NEIL2: variants seen among roughly 807,000 people sequenced by gnomAD.
The protein encoded by NEIL2 is endonuclease 8-like 2.
In NEIL2, 23 loss-of-function variants were observed where a neutral mutation model predicts 22.2. That is an observed-to-expected ratio of 1.04 (90% CI 0.75 to 1.47). The LOEUF (loss-of-function observed/expected upper bound fraction) is 1.47, where lower values mean the gene tolerates loss of function less well. Ranked by LOEUF, NEIL2 falls within the 40% of genes most tolerant of loss-of-function variation. The pLI is 0.00. For synonymous variants in NEIL2, 229 were observed against 164.8 expected (o/e 1.39, Z -2.99); for missense variants, 583 against 404.7 (o/e 1.44, Z -3.78).
At chr8:11,772,587 T>C (rs1484660388) in intron 2 of NEIL2, among the ~76,000 whole-genome samples, 2 of 152,198 alleles carry the variant, frequency 1.3e-5, no homozygotes, top group African/African-American at 4.8e-5. Context: ...CTTCCTCCTG[T>C]TCTTCCCTTT....
intron 2 of NEIL2, among the ~76,000 whole-genome samples, chr8:11,777,036 G>A (rs1187520147): frequency 6.6e-6 from 1 of 152,096 alleles, no homozygotes; most frequent in Non-Finnish European, 1.5e-5. Flanking sequence ...CCTCAGCTGG[G>A]CACACCCTGT....
At chr8:11,782,088 G>C (rs563949272) in intron 3 of NEIL2, among the ~76,000 whole-genome samples, 1 of 151,706 alleles carries the variant, frequency 6.6e-6, no homozygotes, top group Non-Finnish European at 1.5e-5. Context: ...AATAAAATTA[G>C]CTTTATATAT....
chr8:11,782,122 T>C (rs1804476947), intron 3 of NEIL2, among the ~76,000 whole-genome samples: 1 of 151,950 alleles, frequency 6.6e-6, no homozygotes, highest in Non-Finnish European at 1.5e-5. Flanking sequence ...AAAGGGTATA[T>C]GGAGTATTGA....
At chr8:11,778,943 GAAA>G (rs57173797) in intron 2 of NEIL2, among the ~76,000 whole-genome samples, 14 of 44,496 alleles carry the variant, frequency 3.1e-4, no homozygotes, top group Non-Finnish European at 4.5e-4. Context: ...GACTCCATCT[GAAA>G]AAAAAAAAAA....
chr8:11,782,954 C>T (rs950911149), intron 3 of NEIL2: 4 of 569,520 alleles, frequency 7.0e-6, no homozygotes, highest in South Asian at 1.9e-5. Context: ...AGAGTGTCCT[C>T]TGACTATGTT....
chr8:11,778,370 C>T (rs1055489188), intron 2 of NEIL2, among the ~76,000 whole-genome samples: 1 of 147,864 alleles, frequency 6.8e-6, no homozygotes, highest in Non-Finnish European at 1.5e-5. Flanking sequence ...CTCAGATTTA[C>T]AGATAAGCTA....
intron 4 of NEIL2, among the ~76,000 whole-genome samples, chr8:11,785,048 T>C (rs887716728): frequency 8.5e-5 from 13 of 152,126 alleles, no homozygotes; most frequent in African/African-American, 3.1e-4. Flanking sequence ...TTTAAAATTT[T>C]TGTAGAGACA....
chr8:11,783,655 C>T lies in NEIL2; in HGVS notation c.688+256C>T, dbSNP rs370562384. Among the ~76,000 whole-genome samples the T allele has an allele frequency of 5.9e-5, 9 of 152,346 alleles. No individual in the cohort carries two copies. The East Asian group carries it at 1.5e-3, about 26-fold the overall frequency. On this transcript the variant is annotated intron_variant, in intron 4 of 4. Coordinates refer to ENST00000284503, the MANE Select transcript of NEIL2 (RefSeq NM_145043.4). ...TCAGTTGTGAGCCCTCTGCCAGCAG[C>T]GTTGGAGCATCACCTCCTAAAGGGT...
At chr8:11,785,251 A>G (rs1804800194) in intron 4 of NEIL2, among the ~76,000 whole-genome samples, 1 of 152,176 alleles carries the variant, frequency 6.6e-6, no homozygotes, top group Non-Finnish European at 1.5e-5. Context: ...GCTGGAGTGC[A>G]GTGGCACAAT....
intron 3 of NEIL2, among the ~76,000 whole-genome samples, chr8:11,782,305 A>G (rs1476108316): frequency 6.6e-6 from 1 of 151,962 alleles, no homozygotes; most frequent in Non-Finnish European, 1.5e-5. Flanking sequence ...TGCACCTGTA[A>G]TCCCAGCTAC....
intron 4 of NEIL2, among the ~76,000 whole-genome samples, chr8:11,785,663 C>T (rs1051664369): frequency 2.2e-4 from 34 of 152,146 alleles, no homozygotes; most frequent in African/African-American, 6.5e-4. Flanking sequence ...GTCAGGGTCA[C>T]GTGGGTAGGA....
chr8:11,770,788 G>C (rs1287536614), intron 1 of NEIL2, among the ~76,000 whole-genome samples: 1 of 152,020 alleles, frequency 6.6e-6, no homozygotes, highest in Non-Finnish European at 1.5e-5. Context: ...GAGTAGAGGT[G>C]GCCCTGGGAG....
chr8:11,771,522 A>G lies in NEIL2; in HGVS notation c.75A>G (p.Thr25=). 2 of 1,613,800 alleles carry G rather than the reference A, an allele frequency of 1.2e-6. No homozygotes were observed. Among genetic ancestry groups the G allele is most frequent in the Non-Finnish European group, 1.7e-6 (2 of 1,179,836 alleles). Residue 25 remains threonine (T), a synonymous_variant, in exon 2 of 5, where the codon ACA becomes ACG. Transcript: ENST00000284503. Reference sequence around the variant, plus strand: ...TTGTGGGTCAGCAGGTGGTCAAGACAGGGGGCAGCAGTAAGAAGCTACAGC... The same window carrying G: ...TTGTGGGTCAGCAGGTGGTCAAGACGGGGGGCAGCAGTAAGAAGCTACAGC... ...SPFVGQQVVK[T]GGSSKKLQPA... is the part of the protein sequence containing the mutation.
At chr8:11,770,593 A>G (rs752877513) in intron 1 of NEIL2, among the ~76,000 whole-genome samples, 9 of 152,214 alleles carry the variant, frequency 5.9e-5, no homozygotes, top group Non-Finnish European at 1.0e-4. Context: ...CCCCTGCCCG[A>G]TATCTACTTA....
In NEIL2 at chr8:11,771,477, T is replaced by C. The variant is rs765701035; in HGVS notation, c.30T>C (p.Phe10=). MPEGPLVRK[F]HHLVSPFVGQ... is the part of the protein sequence containing the mutation. ...CAGAAGGGCCGTTGGTGAGGAAATTTCACCATTTGGTCTCCCCCTTTGTGG... is the reference window on the plus strand; with the variant it reads ...CAGAAGGGCCGTTGGTGAGGAAATTCCACCATTTGGTCTCCCCCTTTGTGG... Residue 10 remains phenylalanine, a synonymous_variant, in exon 2 of 5, where the codon TTT becomes TTC. Coordinates refer to ENST00000284503, the MANE Select transcript of NEIL2 (RefSeq NM_145043.4). 1.2e-6 allele frequency: 2 copies of C among 1,614,036 alleles called. No homozygotes were observed. The highest frequency in any genetic ancestry group is 1.1e-5 in the South Asian group (1 of 91,070).
chr8:11,782,952 C>T (rs1004185313), intron 3 of NEIL2: 5 of 566,018 alleles, frequency 8.8e-6, no homozygotes, highest in African/African-American at 1.9e-5. Context: ...ACAGAGTGTC[C>T]TCTGACTATG....
Position 11,786,101 on chromosome 8 carries a change from TC to T in NEIL2, c.829del (p.Gln277LysfsTer22), listed in dbSNP as rs777981829. Reference protein sequence around the residue: ...EFSTAWLQGKFQGRPQHTQVY... With the variant: ...EFSTAWLQGKXQGRPQHTQVY... ...AGTACAGCCTGGCTGCAGGGCAAGT[TC>T]CAAGGCAGACCGCAGCACACACAGG... On this transcript the variant is annotated frameshift_variant, in exon 5 of 5. Transcript: ENST00000284503. LOFTEE classifies it low-confidence loss of function (END_TRUNC). 1.2e-6 allele frequency: 2 copies of T among 1,614,078 alleles called. No homozygotes were observed. The highest frequency in any genetic ancestry group is 2.2e-5 in the South Asian group (2 of 91,074).
chr8:11,775,617 T>C (rs1171236174), intron 2 of NEIL2, among the ~76,000 whole-genome samples: 1 of 152,244 alleles, frequency 6.6e-6, no homozygotes, highest in Non-Finnish European at 1.5e-5. Flanking sequence ...TCTTTTCTAC[T>C]GCATCATCAG....
chr8:11,777,046 TCTC>T (rs1803963359), intron 2 of NEIL2, among the ~76,000 whole-genome samples: 1 of 152,078 alleles, frequency 6.6e-6, no homozygotes, highest in African/African-American at 2.4e-5. Context: ...GCACACCCTG[TCTC>T]CTCTGCCCTC....
Sources: gnomAD v4.1 joint callset for allele counts (sites outside exome capture counted in the v4.1 genomes callset) on GRCh38, gnomAD v4.1.1 for gene constraint, MANE v1.5 for transcripts, NCBI Gene and HGNC (gene_info 2026-07-23, HGNC 2026-07-21) for gene names.